Variants in YY1AP1 observed in about 807,000 individuals in gnomAD.
The protein encoded by YY1AP1 is YY1-associated protein 1.
In YY1AP1, 43 loss-of-function variants were observed where a neutral mutation model predicts 39.9. That is an observed-to-expected ratio of 1.08 (90% confidence interval 0.84 to 1.39). YY1AP1 has a LOEUF of 1.39. Ranked by LOEUF, YY1AP1 falls within the 40% of genes most tolerant of loss-of-function variation. The pLI, the probability that YY1AP1 is intolerant of heterozygous loss-of-function variation, is 0.00. For synonymous variants in YY1AP1, 292 were observed against 331.3 expected (o/e 0.88, Z 1.29); for missense variants, 813 against 900.7 (o/e 0.90, Z 1.25).
intron 8 of YY1AP1, 21 bp downstream of exon 8, chr1:155,670,299 T>G: frequency 6.2e-7 from 1 of 1,611,846 alleles, no homozygotes; most frequent in Non-Finnish European, 8.5e-7. Context: ...GGATATTTGA[T>G]CCCCCAGAGT....
intron 10 of YY1AP1, 123 bp downstream of exon 10, chr1:155,661,184 G>A: frequency 6.2e-7 from 1 of 1,605,942 alleles, no homozygotes. Context: ...AGGTGAATCA[G>A]GAAGATTCCT....
At chr1:155,675,277 C>T (rs1215149825) in intron 5 of YY1AP1, among the ~76,000 whole-genome samples, 181 bp from the exon 6 acceptor site, 1 of 152,066 alleles carries the variant, frequency 6.6e-6, no homozygotes, top group Non-Finnish European at 1.5e-5. Flanking sequence ...CTTCCCACCT[C>T]AGCCTCCCAA....
At chr1:155,676,458 T>C in intron 5 of YY1AP1, 90 bp downstream of exon 5, 1 of 1,486,246 alleles carries the variant, frequency 6.7e-7, no homozygotes, top group Non-Finnish European at 9.3e-7. Context: ...ATCTCTGACA[T>C]TTACAAAGCT....
intron 6 of YY1AP1, among the ~76,000 whole-genome samples, chr1:155,673,591 G>A (rs1254946017): frequency 6.6e-6 from 1 of 152,026 alleles, no homozygotes; most frequent in Non-Finnish European, 1.5e-5. Flanking sequence ...CTGTCACCCA[G>A]GCTGGAGTGA....
At chr1:155,667,136 T>C (rs1649128506) in intron 9 of YY1AP1, among the ~76,000 whole-genome samples, 1 of 152,212 alleles carries the variant, frequency 6.6e-6, no homozygotes, top group Non-Finnish European at 1.5e-5. Flanking sequence ...CAGTGAGCTA[T>C]GACTATACCA....
chr1:155,679,747 T>C, intron 3 of YY1AP1: 1 of 984,562 alleles, frequency 1.0e-6, no homozygotes, highest in Non-Finnish European at 1.2e-6. Context: ...AGCACAGAGC[T>C]AGGATAACTC....
intron 7 of YY1AP1, chr1:155,670,675 CTTTT>C (rs58881636): frequency 8.0e-4 from 260 of 325,708 alleles, no homozygotes; most frequent in East Asian, 2.4e-3. Flanking sequence ...TAAAAGTTGA[CTTTT>C]TTTTTTTTTT....
rs1306228489 is a variant in YY1AP1 at position 155,683,000 on chromosome 1, C to A, written c.-20-2544G>T. Among the ~76,000 whole-genome samples the A allele has an allele frequency of 4.6e-5, 7 of 151,798 alleles. 1 individual carries two copies. The South Asian group carries it at 1.5e-3, about 32-fold the overall frequency. The stretch of plus-strand genomic sequence containing the variant: ...ACTTGGGAGGCTGAGGCAGGAGAAT[C>A]GCTTGAACCCGGGAGTCGGAGGTTG... On this transcript the variant is annotated intron_variant, in intron 2 of 10. Transcript: ENST00000355499.
At chr1:155,661,696 C>T (rs1648179062) in intron 9 of YY1AP1, among the ~76,000 whole-genome samples, 1 of 152,196 alleles carries the variant, frequency 6.6e-6, no homozygotes, top group South Asian at 2.1e-4. Context: ...TGCTCTGTCG[C>T]CCAGGATGGA....
chr1:155,667,977 C>CAT (rs562853419), intron 9 of YY1AP1, among the ~76,000 whole-genome samples: 1 of 151,622 alleles, frequency 6.6e-6, no homozygotes, highest in Non-Finnish European at 1.5e-5. Flanking sequence ...CACACACACA[C>CAT]ATACATGCAT....
At chr1:155,662,037 A>G (rs1648243570) in intron 9 of YY1AP1, among the ~76,000 whole-genome samples, 1 of 152,240 alleles carries the variant, frequency 6.6e-6, no homozygotes, top group Admixed American at 6.5e-5. Flanking sequence ...AAAAGGAAGC[A>G]GATGCTAAGA....
chr1:155,666,737 C>T (rs2686264), intron 9 of YY1AP1, among the ~76,000 whole-genome samples: 12,159 of 151,950 alleles, frequency 0.08, 1,722 homozygotes, highest in African/African-American at 0.28. Flanking sequence ...CAGAGGCTCA[C>T]GCCTATAATT....
At position 155,671,430 on chromosome 1, in the gene YY1AP1, T is replaced by TA. The variant is rs796876942; in HGVS notation, c.584-967dup. ...TAGGTGACAGAGCGAGACTCCATCT[T>TA]AAAAAAAAAAAAAAGAAAAAAGATT... On this transcript the variant is annotated intron_variant, in intron 7 of 10. Coordinates refer to ENST00000355499, the MANE Select transcript of YY1AP1 (RefSeq NM_139119.3). 5.0e-3 allele frequency among the ~76,000 whole-genome samples: 702 copies of TA among 139,848 alleles called. 4 individuals carry two copies. Among genetic ancestry groups the TA allele is most frequent in the Middle Eastern group, 0.011 (3 of 276 alleles). 91.7% of individuals were successfully genotyped at this position (139,848 alleles called of 152,430 possible). A position where few individuals can be genotyped will look rare whatever the true frequency, so the allele number is the denominator to read the frequency against.
In YY1AP1 at chr1:155,680,428, A is replaced by T; in HGVS notation, c.9T>A (p.Asp3Glu). ...GATCATTACTCACAGTTTCAAACAG[A>T]TCTTCCATCAGCTCATTTGCTTCCT... is the stretch of plus-strand genomic sequence containing the variant. ME[D>E]LFETFQDEMG... Residue 3 changes from aspartate to glutamate, a missense_variant, in exon 3 of 11, where the codon GAT becomes GAA. Asp to Glu is a conservative substitution (Grantham distance 45). This residue lies in a region of YY1AP1 where 196 missense variants were observed against 189.7 expected (regional missense o/e 1.03). Coordinates refer to ENST00000355499, the MANE Select transcript of YY1AP1 (RefSeq NM_139119.3). 1 of 1,613,620 alleles carries T rather than the reference A, an allele frequency of 6.2e-7. No homozygotes were observed. Among genetic ancestry groups the T allele is most frequent in the Non-Finnish European group, 8.5e-7 (1 of 1,179,696 alleles).
intron 4 of YY1AP1, among the ~76,000 whole-genome samples, chr1:155,677,217 A>T (rs530846370): frequency 1.3e-5 from 2 of 152,322 alleles, no homozygotes; most frequent in African/African-American, 4.8e-5. Flanking sequence ...ATGAAGCAGG[A>T]AAAGGATATA....
rs369033668 is a variant in YY1AP1 at position 155,659,831 on chromosome 1, T to A, written c.2079A>T (p.Ser693=). The A allele has an allele frequency of 1.2e-6, 2 of 1,614,256 alleles. No individual in the cohort carries two copies. The highest frequency in any genetic ancestry group is 1.7e-6 in the Non-Finnish European group (2 of 1,180,042). The change falls in exon 11 of 11, where the codon TCA becomes TCT. Residue 693 remains serine, a synonymous_variant. Coordinates refer to ENST00000355499, the MANE Select transcript of YY1AP1 (RefSeq NM_139119.3). ...CGGTCCAGCGATAGGCACTGTTCTC[T>A]GACAATCCTTCTTGGCACTGTTTAT... ...PVDKQCQEGL[S]ENSAYRWTVV... is the part of the protein sequence containing the mutation.
chr1:155,681,920 A>G (rs923301487), intron 2 of YY1AP1, among the ~76,000 whole-genome samples: 1 of 149,112 alleles, frequency 6.7e-6, no homozygotes, highest in Non-Finnish European at 1.5e-5. Context: ...CCTGGGCTCC[A>G]GCGATCCTCC....
At chr1:155,679,120 C>T in intron 4 of YY1AP1, 2 of 1,325,366 alleles carry the variant, frequency 1.5e-6, no homozygotes, top group Non-Finnish European at 9.8e-7. Flanking sequence ...GTGTGGCTGG[C>T]CACATTGAGT....
chr1:155,684,312 T>C (rs1376180016), intron 2 of YY1AP1, among the ~76,000 whole-genome samples: 2 of 151,946 alleles, frequency 1.3e-5, no homozygotes, highest in Non-Finnish European at 2.9e-5. Flanking sequence ...AATAAAGAAA[T>C]TGTATACACA....
Sources: allele counts gnomAD v4.1 joint callset (sites outside exome capture counted in the v4.1 genomes callset), GRCh38; gene constraint gnomAD v4.1.1; regional missense constraint gnomAD v4.1.1; transcripts MANE v1.5; gene names NCBI Gene and HGNC (gene_info 2026-07-23, HGNC 2026-07-21).